Variants in CNTNAP2 observed in about 807,000 individuals in gnomAD.
CNTNAP2 encodes contactin-associated protein-like 2.
In CNTNAP2, 98 loss-of-function variants were observed where a neutral mutation model predicts 155.2. The observed-to-expected ratio is 0.63, with a 90% CI of 0.54 to 0.75. CNTNAP2 has a LOEUF of 0.75. Ranked by LOEUF, CNTNAP2 falls within the 30% of genes least tolerant of loss-of-function variation. The pLI is 0.00. For missense variants in CNTNAP2, 1,727 were observed against 1,688.1 expected, an observed-to-expected ratio of 1.02 and a Z score of -0.40; for synonymous variants, 651 against 631.2, an observed-to-expected ratio of 1.03 and a Z score of -0.47.
intron 1 of CNTNAP2, among the ~76,000 whole-genome samples, chr7:146,439,159 C>T (rs780614944): frequency 6.6e-6 from 1 of 151,428 alleles, no homozygotes; most frequent in Non-Finnish European, 1.5e-5. Flanking sequence ...ACATTTCTCC[C>T]CAGAGAAGGG....
At chr7:146,380,797 T>TTTC in intron 1 of CNTNAP2, among the ~76,000 whole-genome samples, 11 of 112,646 alleles carry the variant, frequency 9.8e-5, no homozygotes, top group African/African-American at 3.8e-4. Context: ...TTTTTTTTTT[T>TTTC]TTTTTTTTTT....
chr7:147,257,254 G>T (rs1041749170), intron 8 of CNTNAP2, among the ~76,000 whole-genome samples: 18 of 152,154 alleles, frequency 1.2e-4, no homozygotes, highest in African/African-American at 4.1e-4. Context: ...AAACATTGAG[G>T]TTTAGAAGGC....
chr7:146,792,769 T>C (rs1174386341), intron 2 of CNTNAP2, among the ~76,000 whole-genome samples: 3 of 152,304 alleles, frequency 2.0e-5, no homozygotes, highest in East Asian at 3.9e-4. Context: ...AATTTGGAGA[T>C]AGTTCAGGTG....
At chr7:147,597,984 A>C (rs550767261) in intron 12 of CNTNAP2, among the ~76,000 whole-genome samples, 53 of 152,138 alleles carry the variant, frequency 3.5e-4, no homozygotes, top group Non-Finnish European at 6.3e-4. Flanking sequence ...TCAGGCAAAC[A>C]CTGGGGTTGC....
In CNTNAP2 at chr7:147,229,116, C is replaced by T. The variant is rs367625052; in HGVS notation, c.1349-71025C>T. Reference sequence around the variant, plus strand: ...AATATGCAAATCTAACCTGGGAAAACCATTACACTGGTTAAAAGTAGCCCA... The same window carrying T: ...AATATGCAAATCTAACCTGGGAAAATCATTACACTGGTTAAAAGTAGCCCA... On this transcript the variant is annotated intron_variant, in intron 8 of 23. Coordinates refer to ENST00000361727, the MANE Select transcript of CNTNAP2 (RefSeq NM_014141.6). 5.3e-5 allele frequency among the ~76,000 whole-genome samples: 8 copies of T among 151,858 alleles called. No homozygotes were observed. The East Asian group carries it at 7.7e-4, about 15-fold the overall frequency.
intron 15 of CNTNAP2, among the ~76,000 whole-genome samples, chr7:148,024,243 A>G (rs1196653064): frequency 6.6e-6 from 1 of 151,884 alleles, no homozygotes; most frequent in Non-Finnish European, 1.5e-5. Flanking sequence ...AAAATTCCAG[A>G]CACCACAAGT....
chr7:148,249,367 C>T (rs891553671), intron 20 of CNTNAP2, among the ~76,000 whole-genome samples: 2 of 152,180 alleles, frequency 1.3e-5, no homozygotes, highest in Non-Finnish European at 2.9e-5. Flanking sequence ...GCCCCTTTTG[C>T]TCTGTCTCCT....
intron 15 of CNTNAP2, among the ~76,000 whole-genome samples, chr7:148,023,352 C>A (rs983485491): frequency 2.6e-5 from 4 of 152,076 alleles, no homozygotes; most frequent in South Asian, 2.1e-4. Context: ...TCATGTGTGC[C>A]GGAGTGATTA....
chr7:147,510,629 A>T (rs185594981), intron 11 of CNTNAP2, among the ~76,000 whole-genome samples: 21 of 151,824 alleles, frequency 1.4e-4, no homozygotes, highest in Admixed American at 2.6e-4. Flanking sequence ...AAAATAGATT[A>T]AAAAAATCTC....
chr7:147,755,008 T>A (rs1255087725), intron 13 of CNTNAP2, among the ~76,000 whole-genome samples: 1 of 152,248 alleles, frequency 6.6e-6, no homozygotes, highest in African/African-American at 2.4e-5. Context: ...CATTATCTAT[T>A]GATTTTTATG....
intron 8 of CNTNAP2, among the ~76,000 whole-genome samples, chr7:147,198,383 C>T (rs1040605824): frequency 2.6e-5 from 4 of 152,064 alleles, no homozygotes; most frequent in African/African-American, 7.2e-5. Flanking sequence ...AGGCACCTGT[C>T]ACCAGGCCAG....
At chr7:146,871,138 T>G (rs573472917) in intron 3 of CNTNAP2, among the ~76,000 whole-genome samples, 1 of 152,334 alleles carries the variant, frequency 6.6e-6, no homozygotes, top group Non-Finnish European at 1.5e-5. Context: ...TTTATGTATA[T>G]GTGACGAATT....
At chr7:147,002,809 A>T (rs1237733955) in intron 3 of CNTNAP2, among the ~76,000 whole-genome samples, 1 of 151,708 alleles carries the variant, frequency 6.6e-6, no homozygotes, top group Admixed American at 6.6e-5. Context: ...AATCCTAATC[A>T]TGAGGGCACT....
At chr7:146,734,960 T>A (rs1236808310) in intron 1 of CNTNAP2, among the ~76,000 whole-genome samples, 1 of 152,168 alleles carries the variant, frequency 6.6e-6, no homozygotes, top group East Asian at 1.9e-4. Flanking sequence ...GTGTATATAT[T>A]AAACACAGCT....
chr7:147,965,039 T>A (rs1392281393), intron 14 of CNTNAP2, among the ~76,000 whole-genome samples: 1 of 152,160 alleles, frequency 6.6e-6, no homozygotes, highest in Non-Finnish European at 1.5e-5. Context: ...ATGTTGGCCA[T>A]CCTATTTCAG....
chr7:147,384,079 A>G (rs1796587487), intron 9 of CNTNAP2, among the ~76,000 whole-genome samples: 1 of 152,186 alleles, frequency 6.6e-6, no homozygotes, highest in African/African-American at 2.4e-5. Context: ...TCAGCCATGA[A>G]AAGTACAAGT....
chr7:146,719,535 A>G (rs1048257414), intron 1 of CNTNAP2, among the ~76,000 whole-genome samples: 6 of 152,130 alleles, frequency 3.9e-5, no homozygotes, highest in African/African-American at 1.2e-4. Context: ...CACTTCAGCA[A>G]TTACTTTTGC....
chr7:147,486,124 T>C, intron 11 of CNTNAP2, 83 bp downstream of exon 11: 1 of 1,116,730 alleles, frequency 9.0e-7, no homozygotes, highest in Non-Finnish European at 1.4e-6. Flanking sequence ...CTCAGCAACC[T>C]GAATAATCCA....
intron 3 of CNTNAP2, among the ~76,000 whole-genome samples, chr7:146,858,627 G>A (rs753737815): frequency 6.6e-6 from 1 of 152,150 alleles, no homozygotes; most frequent in Non-Finnish European, 1.5e-5. Context: ...CCAGGAGGTC[G>A]AGGCTGCAGT....
Sources: gnomAD v4.1 joint callset for allele counts (sites outside exome capture counted in the v4.1 genomes callset) on GRCh38, gnomAD v4.1.1 for gene constraint, MANE v1.5 for transcripts, NCBI Gene and HGNC (gene_info 2026-07-23, HGNC 2026-07-21) for gene names.